GBP7: variants seen among roughly 807,000 people sequenced by gnomAD.
GBP7 encodes guanylate binding protein 7.
GBP7 carries 43 observed loss-of-function variants against 61.3 expected under a neutral mutation model. The ratio of observed to expected loss-of-function variants is 0.70; its 90% CI spans 0.55 to 0.91. The LOEUF (loss-of-function observed/expected upper bound fraction) is 0.91, where lower values mean the gene tolerates loss of function less well. Ranked by LOEUF, GBP7 falls within the 40% of genes least tolerant of loss-of-function variation. The pLI, the probability that GBP7 is intolerant of heterozygous loss-of-function variation, is 0.00. For synonymous variants in GBP7, 267 were observed against 271.0 expected (o/e 0.99, Z 0.14); for missense variants, 717 against 740.5 (o/e 0.97, Z 0.37).
intron 3 of GBP7, among the ~76,000 whole-genome samples, chr1:89,153,730 A>G (rs1236984062): frequency 6.6e-6 from 1 of 152,226 alleles, no homozygotes; most frequent in Non-Finnish European, 1.5e-5. Flanking sequence ...AATGTAAAAA[A>G]CAAAACAGAC....
chr1:89,172,094 C>A, intron 1 of GBP7, 140 bp from the exon 2 acceptor site: 1 of 609,766 alleles, frequency 1.6e-6, no homozygotes. Flanking sequence ...CCCTTTAAGG[C>A]TGTCCTATAG....
At chr1:89,140,460 G>GAA (rs56788095) in intron 9 of GBP7, among the ~76,000 whole-genome samples, 10,428 of 143,746 alleles carry the variant, frequency 0.073, 619 homozygotes, top group African/African-American at 0.16. Context: ...AAAAAAAACT[G>GAA]AAAAAAAAAA....
At chr1:89,163,972 C>T (rs772274965) in intron 3 of GBP7, among the ~76,000 whole-genome samples, 10 of 152,028 alleles carry the variant, frequency 6.6e-5, no homozygotes, top group Admixed American at 3.9e-4. Flanking sequence ...CGGGTCCAAG[C>T]GATACTCCTG....
intron 1 of GBP7, among the ~76,000 whole-genome samples, chr1:89,172,637 T>A (rs1389783010): frequency 6.6e-6 from 1 of 152,216 alleles, no homozygotes; most frequent in Non-Finnish European, 1.5e-5. Context: ...TTAACTTTGA[T>A]CACTTGGTTA....
intron 2 of GBP7, 62 bp from the exon 3 acceptor site, chr1:89,164,920 A>AC: frequency 6.4e-7 from 1 of 1,564,112 alleles, no homozygotes; most frequent in Non-Finnish European, 8.7e-7. Flanking sequence ...CAAGGCCTAT[A>AC]CCAGTTAAAT....
At chr1:89,138,405 A>G (rs1320123976) in intron 9 of GBP7, among the ~76,000 whole-genome samples, 1 of 152,178 alleles carries the variant, frequency 6.6e-6, no homozygotes, top group Non-Finnish European at 1.5e-5. Context: ...ACATGACTTG[A>G]GTTTAAACTA....
intron 3 of GBP7, among the ~76,000 whole-genome samples, chr1:89,161,068 G>A (rs1481540223): frequency 6.6e-6 from 1 of 152,070 alleles, no homozygotes; most frequent in Non-Finnish European, 1.5e-5. Context: ...CATTTGCTAA[G>A]GATAATGACC....
At chr1:89,160,751 C>A (rs1315348145) in intron 3 of GBP7, among the ~76,000 whole-genome samples, 2 of 151,996 alleles carry the variant, frequency 1.3e-5, no homozygotes, top group African/African-American at 2.4e-5. Context: ...TGCTTAAAAA[C>A]AACACTTAAA....
intron 8 of GBP7, among the ~76,000 whole-genome samples, chr1:89,146,050 G>T (rs1390210164): frequency 6.6e-6 from 1 of 152,088 alleles, no homozygotes; most frequent in Non-Finnish European, 1.5e-5. Context: ...CATACTATCT[G>T]ACTTCAAAAT....
At chr1:89,164,656 T>C in intron 3 of GBP7, 75 bp downstream of exon 3, 1 of 1,422,682 alleles carries the variant, frequency 7.0e-7, no homozygotes, top group Non-Finnish European at 9.8e-7. Flanking sequence ...GCCAGAGAAG[T>C]TGGATTGATA....
At chr1:89,172,855 A>G (rs566841899) in intron 1 of GBP7, among the ~76,000 whole-genome samples, 2 of 150,384 alleles carry the variant, frequency 1.3e-5, no homozygotes, top group South Asian at 2.1e-4. Flanking sequence ...CATTCTTTCT[A>G]TATTAACTGG....
intron 3 of GBP7, among the ~76,000 whole-genome samples, chr1:89,159,988 TA>T (rs1682400240): frequency 6.6e-6 from 1 of 151,452 alleles, no homozygotes; most frequent in South Asian, 2.1e-4. Context: ...TAGACTGGAG[TA>T]AAAAAACATG....
intron 1 of GBP7, among the ~76,000 whole-genome samples, chr1:89,173,109 T>C (rs1179233620): frequency 6.6e-6 from 1 of 152,142 alleles, no homozygotes; most frequent in Non-Finnish European, 1.5e-5. Flanking sequence ...CCTTTTTGGC[T>C]CCACAACGTA....
At chr1:89,142,461 G>T (rs1041099123) in intron 8 of GBP7, among the ~76,000 whole-genome samples, 1 of 152,148 alleles carries the variant, frequency 6.6e-6, no homozygotes, top group Non-Finnish European at 1.5e-5. Flanking sequence ...ATGTTGCTCA[G>T]GATGGTTTCA....
chr1:89,164,366 T>C (rs2100657883), intron 3 of GBP7, among the ~76,000 whole-genome samples: 1 of 152,356 alleles, frequency 6.6e-6, no homozygotes, highest in South Asian at 2.1e-4. Context: ...ATCTGAGCAC[T>C]CTAAATGGTC....
At chr1:89,135,235 T>G (rs1419237305) in intron 9 of GBP7, among the ~76,000 whole-genome samples, 1 of 151,894 alleles carries the variant, frequency 6.6e-6, no homozygotes, top group Non-Finnish European at 1.5e-5. Flanking sequence ...TTGGCACCCG[T>G]GAAAGGGAGA....
chr1:89,135,666 C>T (rs2100634734), intron 9 of GBP7, among the ~76,000 whole-genome samples: 1 of 152,258 alleles, frequency 6.6e-6, no homozygotes, highest in African/African-American at 2.4e-5. Context: ...TACCACCAGA[C>T]CTGCCTTACT....
intron 1 of GBP7, among the ~76,000 whole-genome samples, chr1:89,173,237 T>C (rs1409612837): frequency 6.6e-6 from 1 of 152,176 alleles, no homozygotes; most frequent in African/African-American, 2.4e-5. Flanking sequence ...TCACTCTAGG[T>C]GTGTTCATTA....
intron 9 of GBP7, among the ~76,000 whole-genome samples, chr1:89,140,450 A>T (rs1005186704): frequency 1.8e-5 from 2 of 111,816 alleles, no homozygotes; most frequent in Middle Eastern, 4.4e-3. Context: ...TAATAATAAT[A>T]AAAAAAACTG....
Sources: gnomAD v4.1 joint callset for allele counts (sites outside exome capture counted in the v4.1 genomes callset) on GRCh38, gnomAD v4.1.1 for gene constraint, MANE v1.5 for transcripts, NCBI Gene and HGNC (gene_info 2026-07-23, HGNC 2026-07-21) for gene names.